The following SAMD5 variants were observed in gnomAD, a reference collection of about 807,000 sequenced individuals.
SAMD5 encodes sterile alpha motif domain-containing protein 5.
Under a neutral mutation model 11.3 loss-of-function variants are expected in SAMD5, and 13 were observed. The observed-to-expected ratio is 1.15, with a 90% CI of 0.75 to 1.83. The LOEUF is 1.83. Ranked by LOEUF, SAMD5 falls within the 40% of genes most tolerant of loss-of-function variation. The probability of loss-of-function intolerance (pLI) is 0.00; values close to 1 mark genes in which losing one functional copy is unlikely to be tolerated. For synonymous variants in SAMD5, 129 were observed against 111.3 expected, an observed-to-expected ratio of 1.16 and a Z score of -1.00; for missense variants, 255 against 239.1, an observed-to-expected ratio of 1.07 and a Z score of -0.44.
the SAMD5 span, among the ~76,000 whole-genome samples, chr6:147,827,769 T>G: frequency 1.3e-5 from 2 of 152,104 alleles, no homozygotes; most frequent in African/African-American, 4.8e-5. Context: ...GCTGATTTCT[T>G]AAATTCTGCC....
chr6:147,746,659 G>A, the SAMD5 span, among the ~76,000 whole-genome samples: 13 of 152,298 alleles, frequency 8.5e-5, no homozygotes, highest in South Asian at 2.7e-3. Context: ...TAGCCAGTCC[G>A]ATGTCTTCAA....
At chr6:147,634,369 C>A (rs1210985483) in intron 1 of SAMD5, among the ~76,000 whole-genome samples, 1 of 152,100 alleles carries the variant, frequency 6.6e-6, no homozygotes, top group Non-Finnish European at 1.5e-5. Flanking sequence ...ACAACCAGAT[C>A]TCATGAGAAC....
chr6:147,547,229 T>C (rs1366793574), intron 1 of SAMD5, among the ~76,000 whole-genome samples: 3 of 152,262 alleles, frequency 2.0e-5, no homozygotes, highest in African/African-American at 7.2e-5. Flanking sequence ...CAAACTTAGC[T>C]GCTAAAAATA....
At chr6:147,619,190 C>G (rs915956514) in intron 1 of SAMD5, among the ~76,000 whole-genome samples, 1 of 152,174 alleles carries the variant, frequency 6.6e-6, no homozygotes, top group Non-Finnish European at 1.5e-5. Context: ...AGACATCTTT[C>G]ACAATCTTAT....
intron 1 of SAMD5, among the ~76,000 whole-genome samples, chr6:147,577,003 T>C (rs1364023367): frequency 5.3e-5 from 8 of 152,252 alleles, no homozygotes; most frequent in African/African-American, 1.7e-4. Flanking sequence ...AATTTGATTC[T>C]ACCTGTTTTG....
chr6:147,789,462 T>A, the SAMD5 span, among the ~76,000 whole-genome samples: 1 of 152,304 alleles, frequency 6.6e-6, no homozygotes, highest in East Asian at 1.9e-4. Context: ...TTTAGGAGGA[T>A]GATATGTAAA....
At chr6:147,792,379 TAAGTA>T in the SAMD5 span, among the ~76,000 whole-genome samples, 1 of 152,088 alleles carries the variant, frequency 6.6e-6, no homozygotes, top group Admixed American at 6.6e-5. Flanking sequence ...AGGTTACAAA[TAAGTA>T]AAGGGAGAAA....
At chr6:147,942,039 A>G in the SAMD5 span, among the ~76,000 whole-genome samples, 2 of 151,764 alleles carry the variant, frequency 1.3e-5, no homozygotes, top group South Asian at 4.2e-4. Flanking sequence ...ACGCCTGGCT[A>G]ATTTTTGTAT....
intron 1 of SAMD5, among the ~76,000 whole-genome samples, chr6:147,602,684 T>C (rs844605): frequency 0.73 from 110,965 of 152,076 alleles, 40,961 homozygotes; most frequent in African/African-American, 0.84. Flanking sequence ...GCGGAGGTTG[T>C]AGTGAGCCAA....
chr6:147,540,223 G>A (rs74718916), intron 1 of SAMD5, among the ~76,000 whole-genome samples: 5,926 of 152,196 alleles, frequency 0.039, 338 homozygotes, highest in African/African-American at 0.12. Flanking sequence ...GTAAAAAACC[G>A]GAAAGGAATC....
chr6:147,808,484 G>A, the SAMD5 span, among the ~76,000 whole-genome samples: 1 of 152,158 alleles, frequency 6.6e-6, no homozygotes, highest in African/African-American at 2.4e-5. Flanking sequence ...GATTACATAT[G>A]TGAGCCACTG....
At chr6:147,778,424 T>A in the SAMD5 span, among the ~76,000 whole-genome samples, 112 of 152,212 alleles carry the variant, frequency 7.4e-4, no homozygotes, top group Non-Finnish European at 1.2e-3. Context: ...CCTTAAAATG[T>A]CCAAAACCGA....
intron 1 of SAMD5, among the ~76,000 whole-genome samples, chr6:147,637,434 C>T (rs1790245692): frequency 6.6e-6 from 1 of 152,154 alleles, no homozygotes; most frequent in African/African-American, 2.4e-5. Context: ...ATTCATCACC[C>T]TCAGGGTTAA....
At chr6:147,769,715 C>T in the SAMD5 span, among the ~76,000 whole-genome samples, 1 of 152,168 alleles carries the variant, frequency 6.6e-6, no homozygotes, top group East Asian at 1.9e-4. Flanking sequence ...TGCAAAATCT[C>T]TATTTGCAAT....
intron 1 of SAMD5, among the ~76,000 whole-genome samples, chr6:147,610,294 C>T (rs1051353039): frequency 3.9e-5 from 6 of 152,094 alleles, no homozygotes; most frequent in Non-Finnish European, 8.8e-5. Flanking sequence ...TGATCTACCC[C>T]ATTGATGTAA....
chr6:147,656,545 A>G (rs975160986), intron 1 of SAMD5, among the ~76,000 whole-genome samples: 2 of 152,228 alleles, frequency 1.3e-5, no homozygotes, highest in African/African-American at 4.8e-5. Context: ...AAAAATGAAC[A>G]AAAACTTTAT....
chr6:147,789,278 AACACACACACACACAC>A, the SAMD5 span, among the ~76,000 whole-genome samples: 20,816 of 141,160 alleles, frequency 0.15, 1,646 homozygotes, highest in African/African-American at 0.2. Flanking sequence ...TCTCTAGAAA[AACACACACACACACAC>A]ACACACACAC....
the SAMD5 span, among the ~76,000 whole-genome samples, chr6:147,952,981 AT>A: frequency 6.6e-6 from 1 of 152,122 alleles, no homozygotes. Flanking sequence ...AGCTTGACCA[AT>A]TTTATGTTTT....
chr6:147,788,457 A>G, the SAMD5 span, among the ~76,000 whole-genome samples: 1 of 152,192 alleles, frequency 6.6e-6, no homozygotes, highest in East Asian at 1.9e-4. Context: ...ATTTTTTCCC[A>G]TGAGGATTAT....
Sources: allele counts gnomAD v4.1 joint callset (sites outside exome capture counted in the v4.1 genomes callset), GRCh38; gene constraint gnomAD v4.1.1; transcripts MANE v1.5; gene names NCBI Gene and HGNC (gene_info 2026-07-23, HGNC 2026-07-21).